Variants in JARID2 observed in about 807,000 individuals in gnomAD.
The protein encoded by JARID2 is protein Jumonji.
A neutral mutation model predicts 125.6 loss-of-function variants in JARID2; 21 were observed. The observed-to-expected ratio is 0.17, with a 90% CI of 0.12 to 0.24. The LOEUF (loss-of-function observed/expected upper bound fraction) is 0.24, where lower values mean the gene tolerates loss of function less well. JARID2 is among the 10% of genes least tolerant of loss of function. JARID2 has a pLI of 1.00. For missense variants in JARID2, 1,303 were observed against 1,639.6 expected (o/e 0.79, Z 3.55); for synonymous variants, 736 against 661.6 (o/e 1.11, Z -1.73).
At position 15,437,789 on chromosome 6, in the gene JARID2, T is replaced by G. The variant is rs559303644; in HGVS notation, c.324-14217T>G. ...ACTGGACTCCAGCCTGGCAACAGAG[T>G]GAGACTCTGTCTCAAAAAAAAAAAG... On this transcript the variant is annotated intron_variant, in intron 3 of 17. Transcript: ENST00000341776. Among the ~76,000 whole-genome samples, 359 of 150,272 alleles carry G rather than the reference T, an allele frequency of 2.4e-3. 1 individual carries two copies. The highest frequency in any genetic ancestry group is 8.0e-3 in the African/African-American group (324 of 40,742).
intron 1 of JARID2, among the ~76,000 whole-genome samples, chr6:15,365,018 A>G (rs1763926226): frequency 6.6e-6 from 1 of 152,240 alleles, no homozygotes; most frequent in African/African-American, 2.4e-5. Flanking sequence ...TAATGAACAT[A>G]AAAAGGCATT....
rs190550445 is a variant in JARID2, at chr6:15,346,130, G to T, written c.46-27987G>T. Among the ~76,000 whole-genome samples the T allele has an allele frequency of 4.8e-4, 73 of 152,270 alleles. No individual in the cohort carries two copies. In the East Asian group the frequency reaches 0.013, roughly 26 times the overall value. ...CAGGGTCTTTCATCTAGTTAAATGC[G>T]CATTAAAGCATCTATTTGGTGAACA... On this transcript the variant is annotated intron_variant, in intron 1 of 17. Coordinates refer to ENST00000341776, the MANE Select transcript of JARID2 (RefSeq NM_004973.4).
At chr6:15,352,670 A>T (rs939973047) in intron 1 of JARID2, among the ~76,000 whole-genome samples, 6 of 152,166 alleles carry the variant, frequency 3.9e-5, no homozygotes, top group Admixed American at 3.3e-4. Context: ...CTTGGCTGTC[A>T]TGTAGGGAGC....
At chr6:15,449,779 T>C (rs560600817) in intron 3 of JARID2, among the ~76,000 whole-genome samples, 5 of 152,228 alleles carry the variant, frequency 3.3e-5, no homozygotes, top group African/African-American at 1.2e-4. Context: ...ACTTTGTCCG[T>C]TTTGGTGGAT....
At chr6:15,312,630 C>T (rs1043176376) in intron 1 of JARID2, among the ~76,000 whole-genome samples, 1 of 152,222 alleles carries the variant, frequency 6.6e-6, no homozygotes, top group Non-Finnish European at 1.5e-5. Flanking sequence ...CTTCACTTTG[C>T]TTTGAGATTC....
intron 1 of JARID2, among the ~76,000 whole-genome samples, chr6:15,328,630 G>GT (rs1762608373): frequency 6.6e-6 from 1 of 151,420 alleles, no homozygotes; most frequent in Admixed American, 6.6e-5. Flanking sequence ...GTGTAATATA[G>GT]TAAGTGTTAA....
intron 16 of JARID2, among the ~76,000 whole-genome samples, chr6:15,515,205 C>CTT (rs79690580): frequency 1.4e-5 from 2 of 146,234 alleles, no homozygotes. Context: ...GCCTGGTTAA[C>CTT]TTTTTTTTTT....
chr6:15,504,742 C>T (rs1770913596), intron 9 of JARID2, 150 bp downstream of exon 9: 2 of 607,076 alleles, frequency 3.3e-6, no homozygotes, highest in Admixed American at 5.7e-5. Context: ...GAGCGTGCAC[C>T]AGGGCAGCCA....
intron 1 of JARID2, among the ~76,000 whole-genome samples, chr6:15,283,319 G>T (rs794786): frequency 6.8e-6 from 1 of 147,344 alleles, no homozygotes; most frequent in Non-Finnish European, 1.5e-5. Flanking sequence ...TTGTCTCCTA[G>T]TCTGTCCTTT....
At chr6:15,393,685 A>G (rs1208833988) in intron 2 of JARID2, among the ~76,000 whole-genome samples, 2 of 152,228 alleles carry the variant, frequency 1.3e-5, no homozygotes, top group Non-Finnish European at 2.9e-5. Context: ...CTTTTAAGGA[A>G]AATGCCAGGA....
intron 2 of JARID2, among the ~76,000 whole-genome samples, chr6:15,409,003 A>G (rs1765765530): frequency 6.6e-6 from 1 of 152,336 alleles, no homozygotes; most frequent in South Asian, 2.1e-4. Flanking sequence ...ACCTCATGTT[A>G]TCACTCATAC....
chr6:15,347,918 A>AT (rs1303302251), intron 1 of JARID2, among the ~76,000 whole-genome samples: 5 of 152,048 alleles, frequency 3.3e-5, no homozygotes, highest in Non-Finnish European at 7.4e-5. Context: ...TGCCCAGTTG[A>AT]TTTTAAAAAT....
chr6:15,327,469 A>G (rs556710118), intron 1 of JARID2, among the ~76,000 whole-genome samples: 1 of 152,290 alleles, frequency 6.6e-6, no homozygotes, highest in African/African-American at 2.4e-5. Context: ...GATGGCATCT[A>G]GGGCAGGTAT....
chr6:15,507,478 AC>A, intron 11 of JARID2, 62 bp downstream of exon 11: 1 of 1,436,918 alleles, frequency 7.0e-7, no homozygotes, highest in East Asian at 2.3e-5. Flanking sequence ...CTTGCTGAGA[AC>A]CAGGGCTGGG....
chr6:15,437,254 G>A (rs567864929), intron 3 of JARID2, among the ~76,000 whole-genome samples: 1 of 152,126 alleles, frequency 6.6e-6, no homozygotes, highest in Admixed American at 6.5e-5. Flanking sequence ...TTTATGTTGT[G>A]AGGCTGTGAC....
intron 1 of JARID2, among the ~76,000 whole-genome samples, chr6:15,340,973 G>A (rs1248874316): frequency 1.3e-5 from 2 of 152,002 alleles, no homozygotes; most frequent in Admixed American, 6.6e-5. Context: ...AGCAGGAAGC[G>A]GTGCTAATAC....
chr6:15,271,986 C>T (rs769675141), intron 1 of JARID2, among the ~76,000 whole-genome samples: 13 of 151,762 alleles, frequency 8.6e-5, no homozygotes, highest in Middle Eastern at 3.4e-3. Flanking sequence ...GGCGGCAGAG[C>T]GAGACTGTCG....
At chr6:15,494,413 C>CTTTTTTTTT (rs60218567) in intron 6 of JARID2, among the ~76,000 whole-genome samples, 5,440 of 80,424 alleles carry the variant, frequency 0.068, 1,038 homozygotes, top group South Asian at 0.096. Flanking sequence ...TTTGGCAAGT[C>CTTTTTTTTT]TTTTTTTTTT....
At chr6:15,398,489 G>T (rs1765298909) in intron 2 of JARID2, among the ~76,000 whole-genome samples, 2 of 152,152 alleles carry the variant, frequency 1.3e-5, no homozygotes, top group African/African-American at 4.8e-5. Context: ...AGTCTAATAG[G>T]GTAGTTTGCA....
Sources: gnomAD v4.1 joint callset for allele counts (sites outside exome capture counted in the v4.1 genomes callset) on GRCh38, gnomAD v4.1.1 for gene constraint, MANE v1.5 for transcripts, NCBI Gene and HGNC (gene_info 2026-07-23, HGNC 2026-07-21) for gene names.